The following ABTB3 variants were observed in gnomAD, a reference collection of about 807,000 sequenced individuals.
The protein encoded by ABTB3 is ankyrin repeat and BTB domain containing 3.
chr12:107,403,714 C>A, the ABTB3 span, among the ~76,000 whole-genome samples: 1 of 152,164 alleles, frequency 6.6e-6, no homozygotes, highest in African/African-American at 2.4e-5. Flanking sequence ...TGCAGTCAGG[C>A]TTAGCTGAAA....
the ABTB3 span, among the ~76,000 whole-genome samples, chr12:107,394,200 G>A: frequency 1.3e-5 from 2 of 151,848 alleles, no homozygotes; most frequent in Middle Eastern, 3.4e-3. Context: ...GTAGTTCTTC[G>A]AGATTGCCCT....
the ABTB3 span, among the ~76,000 whole-genome samples, chr12:107,525,327 A>AGTC: frequency 1.8e-5 from 2 of 113,206 alleles, no homozygotes; most frequent in South Asian, 5.1e-4. Flanking sequence ...ATCCTGTCAA[A>AGTC]AAAAAAAAAA....
chr12:107,610,411 T>G, the ABTB3 span: 1 of 1,592,104 alleles, frequency 6.3e-7, no homozygotes, highest in Non-Finnish European at 8.6e-7. Context: ...GCATCACCCC[T>G]GGCAAGACAG....
chr12:107,462,699 T>C, the ABTB3 span, among the ~76,000 whole-genome samples: 5 of 149,972 alleles, frequency 3.3e-5, no homozygotes, highest in Admixed American at 3.3e-4. Flanking sequence ...ATGGTGATGA[T>C]GGTGGTGGTG....
At chr12:107,433,742 T>C in the ABTB3 span, among the ~76,000 whole-genome samples, 4 of 152,020 alleles carry the variant, frequency 2.6e-5, no homozygotes, top group Non-Finnish European at 5.9e-5. Context: ...AGATAGCCAA[T>C]AAAGGGGTGC....
the ABTB3 span, among the ~76,000 whole-genome samples, chr12:107,635,810 T>A: frequency 1.4e-5 from 2 of 146,518 alleles, no homozygotes; most frequent in African/African-American, 2.5e-5. Context: ...GTTCCTCTAG[T>A]GGAGATCCTT....
At chr12:107,520,489 G>C in the ABTB3 span, 3 of 1,613,856 alleles carry the variant, frequency 1.9e-6, no homozygotes, top group Admixed American at 3.3e-5. Context: ...GACTGCAGGG[G>C]TGCTGTGCCT....
the ABTB3 span, among the ~76,000 whole-genome samples, chr12:107,333,467 G>A: frequency 6.6e-6 from 1 of 152,160 alleles, no homozygotes; most frequent in African/African-American, 2.4e-5. Context: ...TGCCAGAAGA[G>A]GACATGAGGC....
chr12:107,545,298 A>G, the ABTB3 span, among the ~76,000 whole-genome samples: 21 of 151,854 alleles, frequency 1.4e-4, no homozygotes, highest in African/African-American at 4.8e-4. Flanking sequence ...GGTAGAGTGC[A>G]GTGGCATGAT....
the ABTB3 span, among the ~76,000 whole-genome samples, chr12:107,493,021 C>T: frequency 6.6e-6 from 1 of 151,092 alleles, no homozygotes; most frequent in African/African-American, 2.4e-5. Flanking sequence ...ACAGGAAGCA[C>T]ATTAACCTCC....
the ABTB3 span, among the ~76,000 whole-genome samples, chr12:107,532,272 C>A: frequency 1.3e-5 from 2 of 152,232 alleles, no homozygotes; most frequent in Non-Finnish European, 2.9e-5. Flanking sequence ...GTCCAGTGAA[C>A]CTGCCACTTC....
the ABTB3 span, among the ~76,000 whole-genome samples, chr12:107,397,487 G>A: frequency 6.6e-6 from 1 of 152,016 alleles, no homozygotes; most frequent in African/African-American, 2.4e-5. Flanking sequence ...GTGTGTGTGT[G>A]TCTGTGTGTG....
At chr12:107,621,873 C>T in the ABTB3 span, among the ~76,000 whole-genome samples, 1 of 152,336 alleles carries the variant, frequency 6.6e-6, no homozygotes, top group East Asian at 1.9e-4. Flanking sequence ...TAAGAATCTA[C>T]AGGCTGAAGC....
chr12:107,392,868 G>A, the ABTB3 span, among the ~76,000 whole-genome samples: 1 of 152,192 alleles, frequency 6.6e-6, no homozygotes. Context: ...ATTTTGTAAA[G>A]AGTTTCTCTG....
chr12:107,329,456 A>G, the ABTB3 span, among the ~76,000 whole-genome samples: 2 of 152,266 alleles, frequency 1.3e-5, no homozygotes, highest in African/African-American at 2.4e-5. Flanking sequence ...TGGACACATC[A>G]TAAGTACTCA....
At chr12:107,364,029 G>A in the ABTB3 span, among the ~76,000 whole-genome samples, 2 of 152,130 alleles carry the variant, frequency 1.3e-5, no homozygotes, top group Non-Finnish European at 2.9e-5. Flanking sequence ...ATTTTGTTAC[G>A]ATAAGCTGGG....
chr12:107,320,130 G>A, the ABTB3 span: 1 of 1,366,060 alleles, frequency 7.3e-7, no homozygotes, highest in Non-Finnish European at 9.5e-7. Flanking sequence ...AACTCTTGGC[G>A]CAAGTTTGCC....
the ABTB3 span, among the ~76,000 whole-genome samples, chr12:107,578,555 G>C: frequency 6.6e-6 from 1 of 151,928 alleles, no homozygotes; most frequent in Non-Finnish European, 1.5e-5. Context: ...CTGTGCTCTG[G>C]GGCCACTGAG....
chr12:107,615,071 C>A, the ABTB3 span: 1 of 1,613,288 alleles, frequency 6.2e-7, no homozygotes, highest in Admixed American at 1.7e-5. Context: ...GTTGTCAGTA[C>A]TCCTCATAAA....
Sources: gnomAD v4.1 joint callset for allele counts (sites outside exome capture counted in the v4.1 genomes callset) on GRCh38, gnomAD v4.1.1 for gene constraint, MANE v1.5 for transcripts, NCBI Gene and HGNC (gene_info 2026-07-23, HGNC 2026-07-21) for gene names.